CLEC2D: variants seen among roughly 807,000 people sequenced by gnomAD.
The protein encoded by CLEC2D is C-type lectin domain family 2 member D, also known as C-type lectin related f.
CLEC2D carries 16 observed loss-of-function variants against 20.0 expected under a neutral mutation model. The ratio of observed to expected loss-of-function variants is 0.80; its 90% confidence interval spans 0.54 to 1.22. The LOEUF is 1.22. CLEC2D is among the 50% of genes most tolerant of loss of function. CLEC2D has a pLI of 0.00. For missense variants in CLEC2D, 207 were observed against 221.5 expected, an observed-to-expected ratio of 0.93 and a Z score of 0.42; for synonymous variants, 77 against 71.1, an observed-to-expected ratio of 1.08 and a Z score of -0.42.
chr12:9,678,102 G>A (rs12309762), intron 1 of CLEC2D, among the ~76,000 whole-genome samples: 133,885 of 152,220 alleles, frequency 0.88, 59,077 homozygotes, highest in East Asian at 0.97. Context: ...TTGCAGTTCT[G>A]TTAATTTTTG....
intron 2 of CLEC2D, among the ~76,000 whole-genome samples, chr12:9,684,049 C>G (rs1865701853): frequency 6.6e-6 from 1 of 152,016 alleles, no homozygotes; most frequent in Admixed American, 6.5e-5. Flanking sequence ...CTCTTATTTC[C>G]TTGAGCAGTG....
At chr12:9,691,364 T>G (rs1257637414) in intron 3 of CLEC2D, among the ~76,000 whole-genome samples, 1 of 152,068 alleles carries the variant, frequency 6.6e-6, no homozygotes, top group Non-Finnish European at 1.5e-5. Context: ...CAACTAGACA[T>G]AAGATCAATA....
chr12:9,688,190 A>ATTTTTTTTTTTT (rs71045286), intron 3 of CLEC2D, 104 bp downstream of exon 3: 3 of 787,154 alleles, frequency 3.8e-6, no homozygotes, highest in African/African-American at 2.7e-5. Flanking sequence ...TTTTACATTG[A>ATTTTTTTTTTTT]TTTTTTTTTT....
In CLEC2D at chr12:9,695,584, G is replaced by A. The variant is rs535141989; in HGVS notation, c.*710G>A. The A allele has an allele frequency of 4.6e-5, 70 of 1,521,832 alleles. No homozygotes were observed. In the East Asian group the frequency reaches 1.3e-3, roughly 28 times the overall value. The allele number at this position is 1,521,832 out of a possible 1,614,324, so 94.3% of individuals were successfully genotyped here. A position where few individuals can be genotyped will look rare whatever the true frequency, so the allele number is the denominator to read the frequency against. On this transcript the variant is annotated 3_prime_UTR_variant, in exon 5 of 5. Coordinates refer to ENST00000290855, the MANE Select transcript of CLEC2D (RefSeq NM_013269.6). ...TGTTGAAGCAGAGGCCATGAATGACGAAGGCAGTCCAATTAAAGTAACACT... is the reference window on the plus strand; with the variant it reads ...TGTTGAAGCAGAGGCCATGAATGACAAAGGCAGTCCAATTAAAGTAACACT...
intron 3 of CLEC2D, among the ~76,000 whole-genome samples, chr12:9,691,140 A>T (rs1239987801): frequency 1.3e-5 from 2 of 152,156 alleles, no homozygotes. Flanking sequence ...TTGTCAAACA[A>T]AATAAACTAA....
chr12:9,677,623 T>G (rs1337956418), intron 1 of CLEC2D, among the ~76,000 whole-genome samples: 2 of 151,680 alleles, frequency 1.3e-5, no homozygotes, highest in African/African-American at 4.8e-5. Context: ...AGATGTCAAT[T>G]ATATTCGGTT....
rs775938557 is a variant in CLEC2D at position 9,687,952 on chromosome 12, T to G, written c.223T>G (p.Cys75Gly). The change falls in exon 3 of 5, where the codon TGC becomes GGC. Residue 75 changes from cysteine to glycine, a missense_variant. Cys to Gly is a radical substitution (Grantham distance 159). Coordinates refer to ENST00000290855, the MANE Select transcript of CLEC2D (RefSeq NM_013269.6). ...GCCATCAGTATGTCTTCAAGCTGCA[T>G]GCCCAGAAAGCTGGATTGGTTTTCA... The part of the protein sequence containing the change: ...QEPSVCLQAA[C>G]PESWIGFQRK... 1 of 1,611,494 alleles carries G rather than the reference T, an allele frequency of 6.2e-7. No homozygotes were observed. The highest frequency in any genetic ancestry group is 8.5e-7 in the Non-Finnish European group (1 of 1,178,688).
chr12:9,686,013 G>A (rs1269852962), intron 2 of CLEC2D, among the ~76,000 whole-genome samples: 1 of 152,004 alleles, frequency 6.6e-6, no homozygotes, highest in African/African-American at 2.4e-5. Flanking sequence ...CTGGTCTGTG[G>A]GTTGCAAAAA....
intron 4 of CLEC2D, chr12:9,693,782 A>G (rs951139472): frequency 1.2e-4 from 53 of 441,598 alleles, no homozygotes; most frequent in Non-Finnish European, 1.9e-4. Flanking sequence ...AATTTTCTCT[A>G]CCTAATTCTT....
chr12:9,699,076 C>T lies in CLEC2D; in HGVS notation c.*4202C>T, dbSNP rs1866067014. On this transcript the variant is annotated 3_prime_UTR_variant, in exon 5 of 5. Transcript: ENST00000290855. ...TCTCTGCAAGCCCAGTAGACTTTGT[C>T]CCAGGCCATTTATGTGATCTTCACC... 6.6e-6 allele frequency: 1 copy of T among 152,066 alleles called. No individual in the cohort carries two copies. The highest frequency in any genetic ancestry group is 6.6e-5 in the Admixed American group (1 of 15,262). The allele number at this position is 152,066 out of a possible 1,614,324, so 9.4% of individuals were successfully genotyped here.
chr12:9,677,577 G>A (rs184059179), intron 1 of CLEC2D, among the ~76,000 whole-genome samples: 76 of 152,208 alleles, frequency 5.0e-4, no homozygotes, highest in African/African-American at 1.7e-3. Flanking sequence ...AATCTTGAGA[G>A]TGTGTATTCT....
Position 9,695,815 on chromosome 12 carries a change from C to T in CLEC2D, c.*941C>T. The T allele has an allele frequency of 8.1e-7, 1 of 1,238,978 alleles. No individual in the cohort carries two copies. The highest frequency in any genetic ancestry group is 1.2e-6 in the Non-Finnish European group (1 of 853,926). 76.7% of individuals were successfully genotyped at this position (1,238,978 alleles called of 1,614,324 possible). On this transcript the variant is annotated 3_prime_UTR_variant, in exon 5 of 5. Transcript: ENST00000290855. ...AAGTATATCTGGAAAGCAGTCTGCC[C>T]CTGGAGGTGGGCAGAAAAAAGTAAA...
At chr12:9,671,765 G>A (rs1481517678) in intron 1 of CLEC2D, among the ~76,000 whole-genome samples, 1 of 152,182 alleles carries the variant, frequency 6.6e-6, no homozygotes, top group African/African-American at 2.4e-5. Context: ...GTTTCTGGCT[G>A]TATTAAGTTC....
At chr12:9,693,897 C>G (rs1380715749) in intron 4 of CLEC2D, 1 of 414,050 alleles carries the variant, frequency 2.4e-6, no homozygotes, top group Non-Finnish European at 4.8e-6. Flanking sequence ...CCTTGACTTC[C>G]CTGGCTCAAG....
At chr12:9,691,731 G>A (rs1013486501) in intron 3 of CLEC2D, among the ~76,000 whole-genome samples, 1 of 152,032 alleles carries the variant, frequency 6.6e-6, no homozygotes, top group Non-Finnish European at 1.5e-5. Context: ...CAAATAGCAC[G>A]TTTATGGTAT....
chr12:9,681,780 C>G (rs1462907206), intron 2 of CLEC2D, among the ~76,000 whole-genome samples: 1 of 152,200 alleles, frequency 6.6e-6, no homozygotes, highest in African/African-American at 2.4e-5. Flanking sequence ...ACTTGGAGCA[C>G]TCCATATAAC....
At chr12:9,675,769 G>A (rs1317257145) in intron 1 of CLEC2D, among the ~76,000 whole-genome samples, 2 of 152,164 alleles carry the variant, frequency 1.3e-5, no homozygotes, top group East Asian at 1.9e-4. Flanking sequence ...TTCTCTCCAT[G>A]AACATAAAAT....
intron 1 of CLEC2D, among the ~76,000 whole-genome samples, chr12:9,676,562 G>T (rs113986643): frequency 5.2e-4 from 79 of 152,032 alleles, no homozygotes; most frequent in African/African-American, 1.9e-3. Context: ...ATACATCATT[G>T]GATTGGATTT....
chr12:9,675,773 A>G (rs1278734688), intron 1 of CLEC2D, among the ~76,000 whole-genome samples: 1 of 152,246 alleles, frequency 6.6e-6, no homozygotes, highest in East Asian at 1.9e-4. Flanking sequence ...CTCCATGAAC[A>G]TAAAATACTT....
Sources: gnomAD v4.1 joint callset for allele counts (sites outside exome capture counted in the v4.1 genomes callset) on GRCh38, gnomAD v4.1.1 for gene constraint, MANE v1.5 for transcripts, NCBI Gene and HGNC (gene_info 2026-07-23, HGNC 2026-07-21) for gene names.